SDCCAG8: variants seen among roughly 807,000 people sequenced by gnomAD.
SDCCAG8 encodes the protein serologically defined colon cancer antigen 8.
SDCCAG8 carries 74 observed loss-of-function variants against 101.8 expected under a neutral mutation model. The observed-to-expected ratio is 0.73, with a 90% confidence interval of 0.60 to 0.88. SDCCAG8 has a LOEUF of 0.88. Among genes scored for constraint, SDCCAG8 ranks in the 40% least tolerant of loss-of-function variants. The pLI is 0.00. For missense variants in SDCCAG8, 787 were observed against 822.6 expected (o/e 0.96, Z 0.53); for synonymous variants, 281 against 292.9 (o/e 0.96, Z 0.41).
chr1:243,270,919 G>C (rs948886220), intron 2 of SDCCAG8, 59 bp from the exon 3 acceptor site: 19 of 1,215,918 alleles, frequency 1.6e-5, no homozygotes, highest in Non-Finnish European at 2.3e-5. Flanking sequence ...GGATGGATGG[G>C]TGGTAAGAAA....
At chr1:243,401,747 AT>A (rs2079411880) in intron 13 of SDCCAG8, among the ~76,000 whole-genome samples, 1 of 151,918 alleles carries the variant, frequency 6.6e-6, no homozygotes, top group African/African-American at 2.4e-5. Context: ...AAAAAAAAAA[AT>A]GAAGGGGATC....
At chr1:243,454,162 A>G (rs1023472184) in intron 16 of SDCCAG8, among the ~76,000 whole-genome samples, 11 of 152,104 alleles carry the variant, frequency 7.2e-5, no homozygotes, top group African/African-American at 2.7e-4. Context: ...AAACTTTTCT[A>G]TTTCACTGAT....
intron 16 of SDCCAG8, among the ~76,000 whole-genome samples, chr1:243,437,531 CTTTTTTT>C (rs931257839): frequency 3.5e-4 from 45 of 129,586 alleles, no homozygotes; most frequent in South Asian, 7.5e-4. Context: ...TGGAGGAATT[CTTTTTTT>C]TTTTTTTTTT....
intron 12 of SDCCAG8, among the ~76,000 whole-genome samples, chr1:243,375,585 T>C (rs1458613674): frequency 1.3e-5 from 2 of 152,176 alleles, no homozygotes; most frequent in Non-Finnish European, 2.9e-5. Context: ...ACTTGAAAGA[T>C]ACCTTTTGAT....
At chr1:243,477,425 G>C (rs1021946797) in intron 16 of SDCCAG8, among the ~76,000 whole-genome samples, 2 of 152,200 alleles carry the variant, frequency 1.3e-5, no homozygotes, top group Non-Finnish European at 2.9e-5. Flanking sequence ...TGGTCTTCTA[G>C]GTTCTTCAAA....
At chr1:243,354,580 C>G (rs2076281447) in intron 12 of SDCCAG8, among the ~76,000 whole-genome samples, 2 of 152,202 alleles carry the variant, frequency 1.3e-5, no homozygotes, top group African/African-American at 4.8e-5. Flanking sequence ...CGAGAGTAAC[C>G]AGCTTTTGCA....
At position 243,388,844 on chromosome 1, in the gene SDCCAG8, T is replaced by C. The variant is rs560201043; in HGVS notation, c.1616+9981T>C. Among the ~76,000 whole-genome samples the C allele has an allele frequency of 5.4e-5, 8 of 148,858 alleles. No individual in the cohort carries two copies. In the South Asian group the frequency reaches 1.7e-3, roughly 32 times the overall value. On this transcript the variant is annotated intron_variant, in intron 13 of 17. Transcript: ENST00000366541. ...TGGTGGTGCGTGCCTGGGTCCTGGCTATTTGGGAGGCTACATGGTGGTGCA... is the reference window on the plus strand; with the variant it reads ...TGGTGGTGCGTGCCTGGGTCCTGGCCATTTGGGAGGCTACATGGTGGTGCA...
chr1:243,438,309 C>T (rs1225907209), intron 16 of SDCCAG8, among the ~76,000 whole-genome samples: 1 of 152,212 alleles, frequency 6.6e-6, no homozygotes, highest in Non-Finnish European at 1.5e-5. Flanking sequence ...GGCTGCTTTC[C>T]TTTTATCTAC....
chr1:243,268,297 C>G (rs1572859913), intron 1 of SDCCAG8, among the ~76,000 whole-genome samples: 1 of 152,200 alleles, frequency 6.6e-6, no homozygotes, highest in Non-Finnish European at 1.5e-5. Context: ...AATTGCTTAT[C>G]ATGTAACACT....
In SDCCAG8 at chr1:243,499,442, C is replaced by T. The variant is rs550766620; in HGVS notation, c.2113-314C>T. On this transcript the variant is annotated intron_variant, in intron 17 of 17. Coordinates refer to ENST00000366541, the MANE Select transcript of SDCCAG8 (RefSeq NM_006642.5). ...TATGGCACAAATCAATGTGTCCTTTCCCGGACAGAAGAGATGGCTCTCTGG... is the reference window on the plus strand; with the variant it reads ...TATGGCACAAATCAATGTGTCCTTTTCCGGACAGAAGAGATGGCTCTCTGG... 2.0e-5 allele frequency among the ~76,000 whole-genome samples: 3 copies of T among 152,324 alleles called. No individual in the cohort carries two copies. The East Asian group carries it at 5.8e-4, about 29-fold the overall frequency.
intron 5 of SDCCAG8, among the ~76,000 whole-genome samples, chr1:243,289,644 G>A (rs1367426176): frequency 6.6e-6 from 1 of 152,188 alleles, no homozygotes; most frequent in Non-Finnish European, 1.5e-5. Context: ...AAGGTACACA[G>A]CTGTTAAGTA....
intron 12 of SDCCAG8, among the ~76,000 whole-genome samples, chr1:243,369,958 CT>C (rs2077195318): frequency 6.6e-6 from 1 of 152,042 alleles, no homozygotes; most frequent in Admixed American, 6.6e-5. Context: ...TTCGGGTTGT[CT>C]TTATCCATTT....
chr1:243,388,190 T>C (rs1180789047), intron 13 of SDCCAG8, among the ~76,000 whole-genome samples: 1 of 152,214 alleles, frequency 6.6e-6, no homozygotes, highest in Non-Finnish European at 1.5e-5. Context: ...CAGCATGCTA[T>C]CATATTCTAA....
At chr1:243,291,068 T>C (rs1431833423) in intron 5 of SDCCAG8, among the ~76,000 whole-genome samples, 1 of 152,342 alleles carries the variant, frequency 6.6e-6, no homozygotes, top group African/African-American at 2.4e-5. Flanking sequence ...AGTACTACTT[T>C]AGGTGAATGT....
At chr1:243,258,514 C>G (rs537263332) in intron 1 of SDCCAG8, among the ~76,000 whole-genome samples, 38 of 152,192 alleles carry the variant, frequency 2.5e-4, no homozygotes, top group African/African-American at 9.2e-4. Context: ...AAGCAACTCT[C>G]CAGCCTCAGC....
chr1:243,271,609 C>T (rs2068088882), intron 3 of SDCCAG8, among the ~76,000 whole-genome samples: 2 of 152,122 alleles, frequency 1.3e-5, no homozygotes, highest in Middle Eastern at 6.8e-3. Context: ...GTGGCATGAT[C>T]TCGCCTCACT....
intron 12 of SDCCAG8, among the ~76,000 whole-genome samples, chr1:243,348,178 G>A (rs1188703797): frequency 1.3e-5 from 2 of 150,200 alleles, no homozygotes; most frequent in African/African-American, 4.9e-5. Context: ...TGGGACCACA[G>A]GCGCCCACGA....
chr1:243,304,938 C>G, intron 7 of SDCCAG8, 161 bp downstream of exon 7: 1 of 594,126 alleles, frequency 1.7e-6, no homozygotes, highest in Non-Finnish European at 3.0e-6. Context: ...GGATGAAAGG[C>G]CTAAAATTGA....
At chr1:243,383,109 T>G (rs900496963) in intron 13 of SDCCAG8, among the ~76,000 whole-genome samples, 6 of 152,190 alleles carry the variant, frequency 3.9e-5, no homozygotes, top group Non-Finnish European at 7.4e-5. Flanking sequence ...GAAAGGATCA[T>G]GTTTTAAAGA....
Sources: gnomAD v4.1 joint callset for allele counts (sites outside exome capture counted in the v4.1 genomes callset) on GRCh38, gnomAD v4.1.1 for gene constraint, MANE v1.5 for transcripts, NCBI Gene and HGNC (gene_info 2026-07-23, HGNC 2026-07-21) for gene names.